Variants in EHD3 observed in about 807,000 individuals in gnomAD.
The protein encoded by EHD3 is EH domain containing 3, also known as EH domain-containing protein 3.
A neutral mutation model predicts 43.0 loss-of-function variants in EHD3; 17 were observed. That is an observed-to-expected ratio of 0.40 (90% confidence interval 0.27 to 0.59). The LOEUF (loss-of-function observed/expected upper bound fraction) is 0.59, where lower values mean the gene tolerates loss of function less well. Ranked by LOEUF, EHD3 falls within the 20% of genes least tolerant of loss-of-function variation. The probability of loss-of-function intolerance (pLI) is 0.49; values close to 1 mark genes in which losing one functional copy is unlikely to be tolerated. For missense variants in EHD3, 594 were observed against 705.6 expected (o/e 0.84, Z 1.79); for synonymous variants, 313 against 289.5 (o/e 1.08, Z -0.82).
intron 2 of EHD3, among the ~76,000 whole-genome samples, chr2:31,245,807 C>T (rs1287384059): frequency 6.7e-6 from 1 of 148,894 alleles, no homozygotes; most frequent in East Asian, 2.0e-4. Flanking sequence ...TCTCGAACTC[C>T]CAACCTCAGG....
intron 3 of EHD3, among the ~76,000 whole-genome samples, chr2:31,254,928 G>A (rs1558650474): frequency 6.6e-6 from 1 of 152,228 alleles, no homozygotes; most frequent in Non-Finnish European, 1.5e-5. Context: ...CTGGAAACCC[G>A]AAGAAGTATG....
In EHD3 at chr2:31,249,258, C is replaced by T. The variant is rs1047258971; in HGVS notation, c.405-113C>T. ...GGGCAAGTCCATGGTGAACTAAACCCTTCAGGATGCACCTGCAGCTCACCT... is the reference window on the plus strand; with the variant it reads ...GGGCAAGTCCATGGTGAACTAAACCTTTCAGGATGCACCTGCAGCTCACCT... On this transcript the variant is annotated intron_variant, in intron 2 of 5. Coordinates refer to ENST00000322054, the MANE Select transcript of EHD3 (RefSeq NM_014600.3). 3 of 939,272 alleles carry T rather than the reference C, an allele frequency of 3.2e-6. No homozygotes were observed. The African/African-American group carries it at 4.9e-5, about 15-fold the overall frequency. 58.2% of individuals were successfully genotyped at this position (939,272 alleles called of 1,614,324 possible).
At position 31,267,016 on chromosome 2, in the gene EHD3, C is replaced by T; in HGVS notation, c.*312C>T. 3.1e-6 allele frequency: 1 copy of T among 321,454 alleles called. No individual in the cohort carries two copies. The highest frequency in any genetic ancestry group is 5.4e-5 in the East Asian group (1 of 18,666). 19.9% of individuals were successfully genotyped at this position (321,454 alleles called of 1,614,324 possible). Reference sequence around the variant, plus strand: ...TACCAGACCTGAGGCAATTCACTTGCCAGCACAGATGGCCAACCCACCTCC... The same window carrying T: ...TACCAGACCTGAGGCAATTCACTTGTCAGCACAGATGGCCAACCCACCTCC... On this transcript the variant is annotated 3_prime_UTR_variant, in exon 6 of 6. Transcript: ENST00000322054.
intron 1 of EHD3, among the ~76,000 whole-genome samples, chr2:31,242,963 A>C (rs1421663089): frequency 2.0e-5 from 3 of 151,612 alleles, no homozygotes; most frequent in African/African-American, 7.3e-5. Flanking sequence ...TCCGTCTCAA[A>C]TAATAAATAA....
chr2:31,261,448 C>T (rs1410223858), intron 4 of EHD3, 101 bp from the exon 5 acceptor site: 24 of 1,358,696 alleles, frequency 1.8e-5, no homozygotes, highest in South Asian at 2.7e-5. Context: ...CAGGAGGAGG[C>T]GGGAGGGATG....
intron 1 of EHD3, among the ~76,000 whole-genome samples, chr2:31,243,452 C>CTTTTT (rs1266371746): frequency 6.9e-4 from 24 of 34,854 alleles, no homozygotes; most frequent in African/African-American, 1.7e-3. Flanking sequence ...TTCTTTCTTT[C>CTTTTT]TTTCTTTCTT....
At chr2:31,250,831 G>A (rs1223487014) in intron 3 of EHD3, among the ~76,000 whole-genome samples, 3 of 152,204 alleles carry the variant, frequency 2.0e-5, no homozygotes, top group Non-Finnish European at 2.9e-5. Context: ...GCTTTGAACT[G>A]CTGGGGTTCT....
intron 2 of EHD3, among the ~76,000 whole-genome samples, chr2:31,245,551 ATATTTTTT>A (rs1364806273): frequency 4.3e-3 from 137 of 32,214 alleles, no homozygotes; most frequent in East Asian, 0.012. Context: ...ATATATATAT[ATATTTTTT>A]TTTTTTTTTT....
rs747986639 is a variant in EHD3, at chr2:31,266,215, G to A, written c.1119G>A (p.Pro373=). The A allele has an allele frequency of 2.1e-5, 34 of 1,613,308 alleles. No individual in the cohort carries two copies. In the Middle Eastern group the frequency reaches 4.9e-4, roughly 23 times the overall value. The change falls in exon 6 of 6, where the codon CCG becomes CCA. Residue 373 remains proline, a synonymous_variant. Transcript: ENST00000322054. This position sits in a 1 kb window ranked among gnomAD's most constrained non-coding sequence, Gnocchi z 5.1. ...CCCAGGACTTTAGCAAGTTCCAGCC[G>A]CTGAAGAGCAAGCTGCTGGAGGTAG... The part of the protein sequence containing the change: ...LQAQDFSKFQ[P]LKSKLLEVVD...
rs1333510280 is a variant in EHD3 at position 31,245,798 on chromosome 2, C to T, written c.404+1348C>T. ...GTTTCTCCATGTTTGTCAGGCTGGTCTCGAACTCCCAACCTCAGGTGATTG... is the reference window on the plus strand; with the variant it reads ...GTTTCTCCATGTTTGTCAGGCTGGTTTCGAACTCCCAACCTCAGGTGATTG... On this transcript the variant is annotated intron_variant, in intron 2 of 5. Coordinates refer to ENST00000322054, the MANE Select transcript of EHD3 (RefSeq NM_014600.3). Among the ~76,000 whole-genome samples the T allele has an allele frequency of 3.2e-4, 42 of 130,118 alleles. 1 individual carries two copies. Among genetic ancestry groups the T allele is most frequent in the African/African-American group, 1.2e-3 (39 of 33,456 alleles). The allele number at this position is 130,118 out of a possible 152,430, so 85.4% of individuals were successfully genotyped here. A position where few individuals can be genotyped will look rare whatever the true frequency, so the allele number is the denominator to read the frequency against.
intron 3 of EHD3, among the ~76,000 whole-genome samples, chr2:31,252,456 T>C (rs72861123): frequency 3.3e-5 from 5 of 152,112 alleles, no homozygotes; most frequent in African/African-American, 1.2e-4. Context: ...TATTTCTGTT[T>C]TTGTTGTTGT....
At chr2:31,255,917 CCT>C (rs1309444727) in intron 3 of EHD3, among the ~76,000 whole-genome samples, 2 of 152,160 alleles carry the variant, frequency 1.3e-5, no homozygotes, top group Non-Finnish European at 2.9e-5. Context: ...CAGCCTGCAG[CCT>C]CTCTCTCTTG....
At chr2:31,264,673 G>A (rs938296787) in intron 5 of EHD3, among the ~76,000 whole-genome samples, 2 of 151,506 alleles carry the variant, frequency 1.3e-5, no homozygotes, top group Non-Finnish European at 2.9e-5. Context: ...GGGACCACAG[G>A]CATGTGCCAC....
rs556446086 is a variant in EHD3, at chr2:31,245,174, G to T, written c.404+724G>T. ...ATTTTAAAACTACTTTTTCTAATTG[G>T]AGGTTTTTAGAGTAGAGGTAATGAA... is the stretch of plus-strand genomic sequence containing the variant. On this transcript the variant is annotated intron_variant, in intron 2 of 5. Coordinates refer to ENST00000322054, the MANE Select transcript of EHD3 (RefSeq NM_014600.3). Among the ~76,000 whole-genome samples the T allele has an allele frequency of 2.6e-3, 396 of 152,232 alleles. 3 individuals carry two copies. Among genetic ancestry groups the T allele is most frequent in the African/African-American group, 9.2e-3 (380 of 41,530 alleles).
chr2:31,247,177 G>A (rs1177683979), intron 2 of EHD3, among the ~76,000 whole-genome samples: 1 of 152,202 alleles, frequency 6.6e-6, no homozygotes, highest in Non-Finnish European at 1.5e-5. Flanking sequence ...GTTTACAGGT[G>A]TGAGCCTGTA....
At position 31,269,349 on chromosome 2, in the gene EHD3, G is replaced by A. The variant is rs1472667466; in HGVS notation, c.*2645G>A. The A allele has an allele frequency of 3.3e-5, 5 of 152,202 alleles. No individual in the cohort carries two copies. Among genetic ancestry groups the A allele is most frequent in the Non-Finnish European group, 5.9e-5 (4 of 68,046 alleles). The allele number at this position is 152,202 out of a possible 1,614,324, so 9.4% of individuals were successfully genotyped here. On this transcript the variant is annotated 3_prime_UTR_variant, in exon 6 of 6. Coordinates refer to ENST00000322054, the MANE Select transcript of EHD3 (RefSeq NM_014600.3). ...AAGAGCTAAATCATGACCAAAGTGT[G>A]ACATGAATGTAACTGAAATGCGGGT...
rs761427850 is a variant in EHD3 at position 31,244,430 on chromosome 2, T to TGGCAACGCCTTC, written c.385_396dup (p.Gly129_Phe132dup). ...AACCCTTCAGGAAACTCAACGCCTT[T>TGGCAACGCCTTC]GGCAACGCCTTCTTGAACAGGTGAG... On this transcript the variant is annotated inframe_insertion, in exon 2 of 6. Transcript: ENST00000322054. The TGGCAACGCCTTC allele has an allele frequency of 1.9e-6, 3 of 1,614,056 alleles. No individual in the cohort carries two copies. Among genetic ancestry groups the TGGCAACGCCTTC allele is most frequent in the Non-Finnish European group, 2.5e-6 (3 of 1,179,968 alleles).
In EHD3 at chr2:31,266,530, C is replaced by G; in HGVS notation, c.1434C>G (p.Asn478Lys). ...AGATGGTGCGCTCCAAGCTGCCCAA[C>G]AGTGTGCTGGGCAAGATCTGGAAGC... is the stretch of plus-strand genomic sequence containing the variant. Reference protein sequence around the residue: ...KKEMVRSKLPNSVLGKIWKLA... With the variant: ...KKEMVRSKLPKSVLGKIWKLA... The change falls in exon 6 of 6, where the codon AAC becomes AAG. Residue 478 changes from asparagine (N) to lysine (K), a missense_variant. Transcript: ENST00000322054. This position sits in a 1 kb window ranked among gnomAD's most constrained non-coding sequence, Gnocchi z 5.1. 6.2e-7 allele frequency: 1 copy of G among 1,614,170 alleles called. No homozygotes were observed. The highest frequency in any genetic ancestry group is 1.1e-5 in the South Asian group (1 of 91,080).
At chr2:31,261,502 C>A in intron 4 of EHD3, 47 bp from the exon 5 acceptor site, 1 of 1,600,698 alleles carries the variant, frequency 6.2e-7, no homozygotes, top group Non-Finnish European at 8.5e-7. Flanking sequence ...AGGAAGGGAC[C>A]GTCCAGGGTC....
Sources: gnomAD v4.1 joint callset for allele counts (sites outside exome capture counted in the v4.1 genomes callset) on GRCh38, gnomAD v4.1.1 for gene constraint, Gnocchi (gnomAD v3.1) non-coding constraint, MANE v1.5 for transcripts, NCBI Gene and HGNC (gene_info 2026-07-23, HGNC 2026-07-21) for gene names.